Variants in MIR2052HG observed in about 807,000 individuals in gnomAD.
MIR2052HG encodes MIR2052 host gene.
At chr8:74,695,493 C>T (rs2128740280) in intron 2 of MIR2052HG, among the ~76,000 whole-genome samples, 1 of 152,204 alleles carries the variant, frequency 6.6e-6, no homozygotes, top group Non-Finnish European at 1.5e-5. Context: ...GGCCTAAATG[C>T]TCCACTTAAA....
chr8:74,694,379 T>A (rs186714126), intron 2 of MIR2052HG, among the ~76,000 whole-genome samples: 1 of 152,252 alleles, frequency 6.6e-6, no homozygotes, highest in African/African-American at 2.4e-5. Flanking sequence ...GCCCCAAATC[T>A]TCCCTCTCAC....
intron 2 of MIR2052HG, among the ~76,000 whole-genome samples, chr8:74,664,894 A>G (rs1808905741): frequency 6.6e-6 from 1 of 152,206 alleles, no homozygotes; most frequent in Admixed American, 6.5e-5. Context: ...TCAATCCACC[A>G]CAAGTCTTTG....
At chr8:74,666,695 AGAT>A (rs1477474277) in intron 2 of MIR2052HG, among the ~76,000 whole-genome samples, 1 of 152,230 alleles carries the variant, frequency 6.6e-6, no homozygotes, top group African/African-American at 2.4e-5. Context: ...AAATTCCAAA[AGAT>A]GGTGTCGAAT....
intron 2 of MIR2052HG, among the ~76,000 whole-genome samples, chr8:74,673,556 T>C (rs1809015931): frequency 6.6e-6 from 1 of 152,052 alleles, no homozygotes; most frequent in East Asian, 1.9e-4. Flanking sequence ...TAAATATCCT[T>C]CTTTGCTTGT....
intron 2 of MIR2052HG, among the ~76,000 whole-genome samples, chr8:74,638,270 A>G (rs886469798): frequency 1.6e-4 from 24 of 152,166 alleles, no homozygotes; most frequent in Non-Finnish European, 3.2e-4. Flanking sequence ...ATTCAATATT[A>G]TTTGATATAA....
intron 4 of MIR2052HG, among the ~76,000 whole-genome samples, chr8:74,730,557 A>C (rs1013808395): frequency 2.0e-5 from 3 of 152,078 alleles, no homozygotes; most frequent in South Asian, 2.1e-4. Context: ...AAGCAGCAAG[A>C]CTCCAGTTTT....
chr8:74,615,694 T>C (rs1373377092), intron 2 of MIR2052HG, among the ~76,000 whole-genome samples: 1 of 152,046 alleles, frequency 6.6e-6, no homozygotes, highest in African/African-American at 2.4e-5. Context: ...ATGTGCCATG[T>C]TGGTGTGCTG....
In MIR2052HG at chr8:74,724,661, C is replaced by T. The variant is rs996516380; in HGVS notation, n.371+20979C>T. Among the ~76,000 whole-genome samples the T allele has an allele frequency of 3.9e-5, 6 of 152,320 alleles. No individual in the cohort carries two copies. In the East Asian group the frequency reaches 1.2e-3, roughly 29 times the overall value. On this transcript the variant is annotated intron_variant and non_coding_transcript_variant, in intron 4 of 6. Transcript: ENST00000523442. ...TGTAAAAAGATGTGAATTTCAGATACTCCCAACCCCCATGCTGACATTTTT... is the reference window on the plus strand; with the variant it reads ...TGTAAAAAGATGTGAATTTCAGATATTCCCAACCCCCATGCTGACATTTTT...
At chr8:74,730,556 G>A (rs1472021588) in intron 4 of MIR2052HG, among the ~76,000 whole-genome samples, 1 of 152,154 alleles carries the variant, frequency 6.6e-6, no homozygotes, top group Non-Finnish European at 1.5e-5. Flanking sequence ...TAAGCAGCAA[G>A]ACTCCAGTTT....
chr8:74,604,340 A>T, intron 1 of MIR2052HG: 1 of 322,964 alleles, frequency 3.1e-6, no homozygotes, highest in Non-Finnish European at 6.2e-6. Context: ...GAGGCGACTG[A>T]GGGGAAAAGG....
At chr8:74,716,592 C>T (rs1209453989) in intron 4 of MIR2052HG, among the ~76,000 whole-genome samples, 1 of 152,008 alleles carries the variant, frequency 6.6e-6, no homozygotes, top group Non-Finnish European at 1.5e-5. Flanking sequence ...CACCTGTAAT[C>T]CCAGCTACTC....
intron 2 of MIR2052HG, among the ~76,000 whole-genome samples, chr8:74,616,964 A>AT (rs1808291048): frequency 6.6e-6 from 1 of 150,696 alleles, no homozygotes; most frequent in Non-Finnish European, 1.5e-5. Context: ...AGAAAAAAAG[A>AT]TTAAAAAAAA....
At position 74,627,967 on chromosome 8, in the gene MIR2052HG, G is replaced by A. The variant is rs77203919; in HGVS notation, n.216+15027G>A. Among the ~76,000 whole-genome samples the A allele has an allele frequency of 7.9e-3, 1,208 of 152,232 alleles. 14 individuals are homozygous for A. The highest frequency in any genetic ancestry group is 0.026 in the Admixed American group (396 of 15,280). On this transcript the variant is annotated intron_variant and non_coding_transcript_variant, in intron 2 of 6. Coordinates refer to ENST00000523442, the Ensembl canonical transcript of MIR2052HG. Reference sequence around the variant, plus strand: ...TGGCTGACGGGCTGAGTTGATTGTTGGCTTAAGTTGAACATGGCATAAGGA... The same window carrying A: ...TGGCTGACGGGCTGAGTTGATTGTTAGCTTAAGTTGAACATGGCATAAGGA...
intron 5 of MIR2052HG, among the ~76,000 whole-genome samples, chr8:74,755,996 C>T (rs1467754448): frequency 1.3e-5 from 2 of 152,170 alleles, no homozygotes; most frequent in African/African-American, 4.8e-5. Flanking sequence ...CAAGGCTGCT[C>T]TTACTTCAGA....
rs1415977099 is a variant in MIR2052HG at position 74,726,950 on chromosome 8, T to C, written n.371+23268T>C. Among the ~76,000 whole-genome samples the C allele has an allele frequency of 2.6e-5, 4 of 152,220 alleles. No individual in the cohort carries two copies. In the East Asian group the frequency reaches 7.7e-4, roughly 29 times the overall value. On this transcript the variant is annotated intron_variant and non_coding_transcript_variant, in intron 4 of 6. Transcript: ENST00000523442. ...GAAGAAACTGGCTTTCCCTTTGTTA[T>C]CTTTCCAATGCCAAGTTTGAATTGA... is the stretch of plus-strand genomic sequence containing the variant.
At chr8:74,720,527 A>T (rs1809565273) in intron 4 of MIR2052HG, among the ~76,000 whole-genome samples, 1 of 152,216 alleles carries the variant, frequency 6.6e-6, no homozygotes, top group Non-Finnish European at 1.5e-5. Context: ...ATACACAATT[A>T]TCTCTAGCTT....
intron 2 of MIR2052HG, among the ~76,000 whole-genome samples, chr8:74,618,513 C>A (rs1808316456): frequency 6.6e-6 from 1 of 152,044 alleles, no homozygotes; most frequent in African/African-American, 2.4e-5. Context: ...TTGATGTGAT[C>A]CATCACATTA....
chr8:74,633,586 T>G (rs1036989144), intron 2 of MIR2052HG, among the ~76,000 whole-genome samples: 2 of 152,250 alleles, frequency 1.3e-5, no homozygotes, highest in Non-Finnish European at 2.9e-5. Flanking sequence ...AGCATTGTCA[T>G]GTCACTTGCA....
intron 2 of MIR2052HG, among the ~76,000 whole-genome samples, chr8:74,672,858 C>T (rs1030669654): frequency 5.9e-5 from 9 of 152,018 alleles, no homozygotes; most frequent in Admixed American, 3.3e-4. Flanking sequence ...AGGCTAAGTG[C>T]ATTAACAAAG....
Sources: gnomAD v4.1 joint callset for allele counts (sites outside exome capture counted in the v4.1 genomes callset) on GRCh38, gnomAD v4.1.1 for gene constraint, MANE v1.5 for transcripts, NCBI Gene and HGNC (gene_info 2026-07-23, HGNC 2026-07-21) for gene names.